The following UGT1A8 variants were observed in gnomAD, a reference collection of about 807,000 sequenced individuals.
UGT1A8 encodes UDP-glucuronosyltransferase 1A8.
Under a neutral mutation model 45.3 loss-of-function variants are expected in UGT1A8, and 39 were observed. That is an observed-to-expected ratio of 0.86 (90% CI 0.67 to 1.12). The LOEUF (loss-of-function observed/expected upper bound fraction) is 1.12, where lower values mean the gene tolerates loss of function less well. UGT1A8 is among the 50% of genes most tolerant of loss of function. The pLI is 0.00. For synonymous variants in UGT1A8, 275 were observed against 249.2 expected (o/e 1.10, Z -0.97); for missense variants, 719 against 664.9 (o/e 1.08, Z -0.90).
intron 1 of UGT1A8, among the ~76,000 whole-genome samples, chr2:233,689,021 C>A (rs10171367): frequency 6.6e-6 from 1 of 151,956 alleles, no homozygotes; most frequent in Non-Finnish European, 1.5e-5. Flanking sequence ...ATAAACATGG[C>A]CAAGTGGAAA....
chr2:233,705,449 A>G (rs879424157), intron 1 of UGT1A8, among the ~76,000 whole-genome samples: 1 of 152,242 alleles, frequency 6.6e-6, no homozygotes, highest in Non-Finnish European at 1.5e-5. Flanking sequence ...AGAATTGCAC[A>G]TATTTTTTAG....
chr2:233,658,224 G>A (rs2125484924), intron 1 of UGT1A8, among the ~76,000 whole-genome samples: 1 of 152,180 alleles, frequency 6.6e-6, no homozygotes, highest in East Asian at 1.9e-4. Flanking sequence ...TCACCATGTT[G>A]ACCAGGCTGG....
chr2:233,679,951 G>C (rs2074468099), intron 1 of UGT1A8, among the ~76,000 whole-genome samples: 1 of 152,036 alleles, frequency 6.6e-6, no homozygotes, highest in Non-Finnish European at 1.5e-5. Flanking sequence ...TGCGAGGTTT[G>C]GCTCCTGCTG....
rs373015529 is a variant in UGT1A8, at chr2:233,672,785, C to G, written c.855+54223C>G. On this transcript the variant is annotated intron_variant, in intron 1 of 4. Transcript: ENST00000373450. ...AACTGCCATCAGGGAAAGCCGTTGC[C>G]TATGGTAAGTTATCTCTCCTTTAGC... The G allele has an allele frequency of 3.3e-5, 53 of 1,613,138 alleles. No individual in the cohort carries two copies. In the African/African-American group the frequency reaches 6.1e-4, roughly 19 times the overall value.
intron 1 of UGT1A8, among the ~76,000 whole-genome samples, chr2:233,746,651 T>C (rs1051352282): frequency 6.6e-6 from 1 of 151,816 alleles, no homozygotes; most frequent in African/African-American, 2.4e-5. Context: ...CTTGGCTTTC[T>C]GTCCCGAGTT....
At chr2:233,740,090 C>T (rs1463854417) in intron 1 of UGT1A8, among the ~76,000 whole-genome samples, 1 of 151,842 alleles carries the variant, frequency 6.6e-6, no homozygotes, top group Non-Finnish European at 1.5e-5. Context: ...CGCCTGCTGC[C>T]ATGTGAGACA....
intron 1 of UGT1A8, among the ~76,000 whole-genome samples, chr2:233,658,489 C>G (rs1440365330): frequency 6.6e-5 from 10 of 152,180 alleles, no homozygotes; most frequent in Admixed American, 6.5e-4. Context: ...TGACATTTAG[C>G]CCATCACGCC....
intron 1 of UGT1A8, among the ~76,000 whole-genome samples, chr2:233,687,418 T>G (rs1231011370): frequency 6.6e-6 from 1 of 151,932 alleles, no homozygotes; most frequent in Non-Finnish European, 1.5e-5. Flanking sequence ...TATTGGAGGC[T>G]TACCGTGTAC....
chr2:233,747,775 C>G (rs1325525681), intron 1 of UGT1A8: 1 of 1,613,320 alleles, frequency 6.2e-7, no homozygotes, highest in Non-Finnish European at 8.5e-7. Context: ...ACACAGTGTC[C>G]AAATCCTTCC....
chr2:233,641,559 T>A (rs1201445364), intron 1 of UGT1A8, among the ~76,000 whole-genome samples: 3 of 152,240 alleles, frequency 2.0e-5, no homozygotes, highest in Non-Finnish European at 4.4e-5. Flanking sequence ...GTTACAATGT[T>A]ATAATATTCT....
intron 1 of UGT1A8, among the ~76,000 whole-genome samples, chr2:233,666,154 A>G (rs891491181): frequency 2.6e-5 from 4 of 152,156 alleles, no homozygotes; most frequent in African/African-American, 9.7e-5. Context: ...GAAGCAAGAG[A>G]AAAAGGAGGC....
chr2:233,661,623 T>TTTTCTTTCTTTCTTTCCTTCTTTCTTTC (rs2073966015), intron 1 of UGT1A8, among the ~76,000 whole-genome samples: 5 of 124,046 alleles, frequency 4.0e-5, no homozygotes, highest in African/African-American at 1.6e-4. Context: ...ACTTACTGAA[T>TTTTCTTTCTTTCTTTCCTTCTTTCTTTC]TTTCTTTCTT....
At position 233,636,970 on chromosome 2, in the gene UGT1A8, T is replaced by C. The variant is rs759351679; in HGVS notation, c.855+18408T>C. ...TTTTGATGCAGTGTTTCTGGATCCT[T>C]TTGATACCTGTGGCTTAATTGTTGC... On this transcript the variant is annotated intron_variant, in intron 1 of 4. Coordinates refer to ENST00000373450, the MANE Select transcript of UGT1A8 (RefSeq NM_019076.5). 6.2e-6 allele frequency: 10 copies of C among 1,614,178 alleles called. No individual in the cohort carries two copies. In the South Asian group the frequency reaches 1.1e-4, roughly 18 times the overall value.
chr2:233,633,247 A>G (rs1224549116), intron 1 of UGT1A8, among the ~76,000 whole-genome samples: 1 of 152,186 alleles, frequency 6.6e-6, no homozygotes, highest in Non-Finnish European at 1.5e-5. Flanking sequence ...ATCGATGTTC[A>G]TCAGAGATAT....
intron 1 of UGT1A8, among the ~76,000 whole-genome samples, chr2:233,681,574 A>G (rs2074531016): frequency 6.6e-6 from 1 of 150,892 alleles, no homozygotes; most frequent in Non-Finnish European, 1.5e-5. Context: ...TTTCTTTGTG[A>G]CAAATTCCAA....
rs1700543708 is a variant in UGT1A8 at position 233,772,722 on chromosome 2, T to TA, written c.*164dup. On this transcript the variant is annotated 3_prime_UTR_variant, in exon 5 of 5. Transcript: ENST00000373450. ...AAAAAATTCTCTTAAATAAAAATAA[T>TA]AGACTCGCTAGTCAGTAAAGATATT... 1 of 1,454,026 alleles carries TA rather than the reference T, an allele frequency of 6.9e-7. No homozygotes were observed. The highest frequency in any genetic ancestry group is 9.0e-7 in the Non-Finnish European group (1 of 1,106,108). The allele number at this position is 1,454,026 out of a possible 1,614,324, so 90.1% of individuals were successfully genotyped here. A position where few individuals can be genotyped will look rare whatever the true frequency, so the allele number is the denominator to read the frequency against.
chr2:233,682,141 A>G (rs766652612), intron 1 of UGT1A8: 3 of 1,614,192 alleles, frequency 1.9e-6, no homozygotes, highest in Admixed American at 1.7e-5. Flanking sequence ...AACTGGGAAG[A>G]TCACTGAATT....
chr2:233,760,912 C>A (rs72551343), intron 1 of UGT1A8: 1 of 1,614,188 alleles, frequency 6.2e-7, no homozygotes, highest in South Asian at 1.1e-5. Context: ...CTTCCTGCAG[C>A]GGGTGAAGAA....
rs373069908 is a variant in UGT1A8, at chr2:233,718,914, T to G, written c.856-48120T>G. On this transcript the variant is annotated intron_variant, in intron 1 of 4. Coordinates refer to ENST00000373450, the MANE Select transcript of UGT1A8 (RefSeq NM_019076.5). Reference sequence around the variant, plus strand: ...GCCCTGGGCTGAGAGTGGAAAGGTGTTGGTGGTGCCCACTGATGGCAGCCC... The same window carrying G: ...GCCCTGGGCTGAGAGTGGAAAGGTGGTGGTGGTGCCCACTGATGGCAGCCC... 6.2e-6 allele frequency: 10 copies of G among 1,614,066 alleles called. No homozygotes were observed. In the East Asian group the frequency reaches 1.8e-4, roughly 29 times the overall value.
Sources: gnomAD v4.1 joint callset for allele counts (sites outside exome capture counted in the v4.1 genomes callset) on GRCh38, gnomAD v4.1.1 for gene constraint, MANE v1.5 for transcripts, NCBI Gene and HGNC (gene_info 2026-07-23, HGNC 2026-07-21) for gene names.